The following VGLL4 variants were observed in gnomAD, a reference collection of about 807,000 sequenced individuals.
VGLL4 encodes transcription cofactor vestigial-like protein 4.
VGLL4 carries 7 observed loss-of-function variants against 21.0 expected under a neutral mutation model. The observed-to-expected ratio is 0.33, with a 90% CI of 0.19 to 0.63. VGLL4 has a LOEUF of 0.63. Among genes scored for constraint, VGLL4 ranks in the 20% least tolerant of loss-of-function variants. The pLI is 0.78. For synonymous variants in VGLL4, 222 were observed against 173.2 expected (o/e 1.28, Z -2.21); for missense variants, 394 against 425.7 (o/e 0.93, Z 0.66).
At position 11,573,257 on chromosome 3, in the gene VGLL4, A is replaced by T. The variant is rs59283264; in HGVS notation, c.273-8238T>A. Among the ~76,000 whole-genome samples, 59 of 9,168 alleles carry T rather than the reference A, an allele frequency of 6.4e-3. 3 individuals are homozygous for T. Among genetic ancestry groups the T allele is most frequent in the Non-Finnish European group, 1.8e-3 (11 of 6,080 alleles). 6.0% of individuals were successfully genotyped at this position (9,168 alleles called of 152,430 possible). A position where few individuals can be genotyped will look rare whatever the true frequency, so the allele number is the denominator to read the frequency against. On this transcript the variant is annotated intron_variant, in intron 2 of 4. Coordinates refer to ENST00000430365, the MANE Select transcript of VGLL4 (RefSeq NM_001128219.3). ...AAGAAAAGAAATAGAGAAAGAAAGA[A>T]AGAAAGAAAGAAAGAAAGAAAGAAA...
chr3:11,564,945 G>A lies in VGLL4; in HGVS notation c.347C>T (p.Ala116Val), dbSNP rs752344587. The change falls in exon 3 of 5, where the codon GCC becomes GTC. Residue 116 changes from alanine (A) to valine (V), a missense_variant. Ala to Val is a moderately conservative substitution (Grantham distance 64). Transcript: ENST00000430365. ...RSRSPIERAV[A>V]PTMSLHGSHL... is the part of the protein sequence containing the mutation. ...GCTGCCGTGCAGGCTCATGGTGGGG[G>A]CCACAGCGCGCTCGATGGGGCTGCG... 9 of 1,575,650 alleles carry A rather than the reference G, an allele frequency of 5.7e-6. No homozygotes were observed. The highest frequency in any genetic ancestry group is 6.0e-6 in the Non-Finnish European group (7 of 1,161,344).
intron 2 of VGLL4, among the ~76,000 whole-genome samples, chr3:11,593,304 T>C (rs1358342305): frequency 1.3e-5 from 2 of 152,150 alleles, no homozygotes; most frequent in East Asian, 3.9e-4. Flanking sequence ...TACCAAAAAC[T>C]ACAGATACTG....
In VGLL4 at chr3:11,714,562, A is replaced by T. The variant is rs1292814504; in HGVS notation, c.-14+5832T>A. Among the ~76,000 whole-genome samples, 3 of 148,512 alleles carry T rather than the reference A, an allele frequency of 2.0e-5. No homozygotes were observed. In the East Asian group the frequency reaches 6.0e-4, roughly 29 times the overall value. Reference sequence around the variant, plus strand: ...AAAAAATAAAATAAAATAAATAAATAAAAATACAAAAAAAAAAAGAAAAAA... The same window carrying T: ...AAAAAATAAAATAAAATAAATAAATTAAAATACAAAAAAAAAAAGAAAAAA... On this transcript the variant is annotated intron_variant, in intron 1 of 5. Coordinates refer to the VGLL4 transcript ENST00000273038.
intron 1 of VGLL4, among the ~76,000 whole-genome samples, chr3:11,620,803 G>C (rs1225293063): frequency 6.6e-6 from 1 of 152,114 alleles, no homozygotes; most frequent in Non-Finnish European, 1.5e-5. Context: ...GTCCCACCCT[G>C]TGTGCACATA....
chr3:11,698,728 G>C (rs2076639596), intron 2 of VGLL4, among the ~76,000 whole-genome samples: 3 of 152,236 alleles, frequency 2.0e-5, no homozygotes, highest in South Asian at 2.1e-4. Flanking sequence ...ATCCAGATAA[G>C]CAACTATTGT....
intron 2 of VGLL4, among the ~76,000 whole-genome samples, chr3:11,598,849 A>G (rs1443179441): frequency 1.3e-5 from 2 of 152,216 alleles, no homozygotes; most frequent in Non-Finnish European, 2.9e-5. Context: ...CTTTAGTGAT[A>G]AAATACATCA....
chr3:11,589,489 T>C (rs13078952), intron 2 of VGLL4, among the ~76,000 whole-genome samples: 2 of 152,116 alleles, frequency 1.3e-5, no homozygotes, highest in African/African-American at 4.8e-5. Flanking sequence ...AGTCTGAAGG[T>C]TTGTGATAAG....
intron 2 of VGLL4, among the ~76,000 whole-genome samples, chr3:11,573,733 T>C (rs2574706): frequency 0.26 from 39,979 of 152,182 alleles, 5,252 homozygotes; most frequent in East Asian, 0.38. Context: ...CTGACCATTC[T>C]ACTTTATGCT....
chr3:11,676,076 C>A (rs544331711), intron 2 of VGLL4, among the ~76,000 whole-genome samples: 69 of 152,224 alleles, frequency 4.5e-4, no homozygotes, highest in African/African-American at 1.5e-3. Flanking sequence ...TCAGAAATCC[C>A]ACGGATTTGT....
chr3:11,591,670 G>C (rs759324111), intron 2 of VGLL4, among the ~76,000 whole-genome samples: 2 of 152,246 alleles, frequency 1.3e-5, no homozygotes, highest in Non-Finnish European at 2.9e-5. Context: ...GGTCAGGCCT[G>C]TGACCTTTAC....
chr3:11,632,618 C>T (rs1251079374), intron 1 of VGLL4, among the ~76,000 whole-genome samples: 2 of 152,222 alleles, frequency 1.3e-5, no homozygotes, highest in Non-Finnish European at 2.9e-5. Flanking sequence ...ATCATCCTCT[C>T]AAATTCATAT....
At chr3:11,582,876 C>A (rs2074269238) in intron 2 of VGLL4, among the ~76,000 whole-genome samples, 1 of 152,180 alleles carries the variant, frequency 6.6e-6, no homozygotes, top group African/African-American at 2.4e-5. Flanking sequence ...CTCCCTTCCA[C>A]CAGCAGAACC....
upstream of VGLL4, among the ~76,000 whole-genome samples, chr3:11,647,775 A>G (rs77833215): frequency 4.0e-4 from 61 of 152,114 alleles, no homozygotes; most frequent in African/African-American, 1.3e-3. Flanking sequence ...AGCCTGGCGC[A>G]TGGTAGGCCA....
intron 1 of VGLL4, among the ~76,000 whole-genome samples, chr3:11,714,750 A>C (rs2076895629): frequency 6.6e-6 from 1 of 152,134 alleles, no homozygotes; most frequent in Admixed American, 6.6e-5. Context: ...TGAAGACTTA[A>C]AATTTGAATA....
At chr3:11,627,230 A>ACTCTCTCTCTCTCTCTCT (rs1221460234) in intron 1 of VGLL4, 2 of 123,268 alleles carry the variant, frequency 1.6e-5, no homozygotes, top group African/African-American at 6.6e-5. Context: ...ACACACACAC[A>ACTCTCTCTCTCTCTCTCT]CTCTCTCTCT....
At chr3:11,591,306 G>A (rs140694589) in intron 2 of VGLL4, among the ~76,000 whole-genome samples, 254 of 152,256 alleles carry the variant, frequency 1.7e-3, no homozygotes, top group Non-Finnish European at 1.6e-3. Flanking sequence ...CAAGGTTTTC[G>A]TCCCACTTTT....
intron 2 of VGLL4, among the ~76,000 whole-genome samples, chr3:11,676,158 C>T (rs778408109): frequency 4.0e-4 from 61 of 152,146 alleles, no homozygotes; most frequent in Non-Finnish European, 7.8e-4. Context: ...GAGGCTGAGG[C>T]GTGTGGATCA....
chr3:11,627,545 AG>A (rs895680750), intron 1 of VGLL4: 2 of 150,514 alleles, frequency 1.3e-5, no homozygotes, highest in Non-Finnish European at 2.9e-5. Context: ...CAGTGAGCCA[AG>A]ATCGTGCCAT....
intron 2 of VGLL4, among the ~76,000 whole-genome samples, chr3:11,664,363 G>C (rs1047951040): frequency 2.0e-5 from 3 of 152,192 alleles, no homozygotes; most frequent in African/African-American, 7.2e-5. Context: ...AATCAAGAGA[G>C]CACTCTATGG....
Sources: allele counts gnomAD v4.1 joint callset (sites outside exome capture counted in the v4.1 genomes callset), GRCh38; gene constraint gnomAD v4.1.1; transcripts MANE v1.5; gene names NCBI Gene and HGNC (gene_info 2026-07-23, HGNC 2026-07-21).